The following RAD51 variants were observed in gnomAD, a reference collection of about 807,000 sequenced individuals.
RAD51 encodes RAD51 recombinase.
A neutral mutation model predicts 41.5 loss-of-function variants in RAD51; 14 were observed. That is an observed-to-expected ratio of 0.34 (90% CI 0.22 to 0.53). RAD51 has a LOEUF of 0.53. Ranked by LOEUF, RAD51 falls within the 20% of genes least tolerant of loss-of-function variation. The pLI, the probability that RAD51 is intolerant of heterozygous loss-of-function variation, is 0.95. For missense variants in RAD51, 234 were observed against 422.0 expected (o/e 0.55, Z 3.90); for synonymous variants, 136 against 148.6 (o/e 0.92, Z 0.62).
chr15:40,724,743 G>A (rs540535799), intron 6 of RAD51, among the ~76,000 whole-genome samples: 168 of 139,774 alleles, frequency 1.2e-3, no homozygotes, highest in African/African-American at 4.3e-3. Context: ...GCTGTGGTGC[G>A]ATCTCGGCTC....
chr15:40,700,180 A>G (rs1269918881), intron 2 of RAD51, among the ~76,000 whole-genome samples: 1 of 152,194 alleles, frequency 6.6e-6, no homozygotes. Context: ...ACCCACATTC[A>G]CCTACTAACT....
intron 6 of RAD51, among the ~76,000 whole-genome samples, chr15:40,725,995 AAAC>A (rs1296084518): frequency 2.6e-5 from 4 of 151,820 alleles, no homozygotes; most frequent in Non-Finnish European, 4.4e-5. Flanking sequence ...CAAAAAAACA[AAAC>A]AACAAAAAAA....
intron 6 of RAD51, among the ~76,000 whole-genome samples, chr15:40,726,345 G>A (rs1485099774): frequency 1.3e-5 from 2 of 150,890 alleles, no homozygotes; most frequent in Admixed American, 1.3e-4. Flanking sequence ...TCCGCCTCTC[G>A]GGTTCAAGCG....
At chr15:40,711,693 A>T (rs1895711945) in intron 5 of RAD51, among the ~76,000 whole-genome samples, 1 of 152,218 alleles carries the variant, frequency 6.6e-6, no homozygotes, top group Non-Finnish European at 1.5e-5. Context: ...ATGGGAAGGC[A>T]TAAGTTAGAA....
intron 1 of RAD51, among the ~76,000 whole-genome samples, chr15:40,696,566 G>T (rs1053444313): frequency 6.6e-6 from 1 of 152,150 alleles, no homozygotes; most frequent in African/African-American, 2.4e-5. Context: ...AAGACAAAAT[G>T]AATATACACC....
At chr15:40,706,328 T>G in intron 4 of RAD51, 34 bp downstream of exon 4, 2 of 1,495,268 alleles carry the variant, frequency 1.3e-6, no homozygotes, top group Non-Finnish European at 1.9e-6. Flanking sequence ...TTGTGAACTC[T>G]AGTTAGGAAA....
intron 5 of RAD51, among the ~76,000 whole-genome samples, chr15:40,715,047 A>G (rs1012160802): frequency 6.6e-6 from 1 of 152,032 alleles, no homozygotes; most frequent in African/African-American, 2.4e-5. Flanking sequence ...ACAATTTAAC[A>G]TAAGTACCAG....
chr15:40,719,639 T>G (rs372389809), intron 6 of RAD51, among the ~76,000 whole-genome samples: 70 of 152,278 alleles, frequency 4.6e-4, no homozygotes, highest in Middle Eastern at 6.8e-3. Context: ...GAAACCATCC[T>G]GGCTAACACA....
intron 5 of RAD51, among the ~76,000 whole-genome samples, chr15:40,718,531 GAAGAA>G (rs1195901324): frequency 6.8e-6 from 1 of 146,846 alleles, no homozygotes; most frequent in Non-Finnish European, 1.5e-5. Flanking sequence ...AAAAAAAAAA[GAAGAA>G]AAGAATTTTA....
chr15:40,699,434 C>T (rs1894848291), intron 2 of RAD51, among the ~76,000 whole-genome samples: 1 of 152,206 alleles, frequency 6.6e-6, no homozygotes, highest in African/African-American at 2.4e-5. Context: ...TGGGCCACTG[C>T]GCCCAGCCTG....
intron 3 of RAD51, among the ~76,000 whole-genome samples, 160 bp downstream of exon 3, chr15:40,701,361 C>CT (rs946965505): frequency 9.4e-4 from 131 of 139,860 alleles, no homozygotes; most frequent in African/African-American, 1.8e-3. Flanking sequence ...CTTTTCTTTT[C>CT]TTTTTTTTTT....
rs182685714 is a variant in RAD51, at chr15:40,698,919, C to T, written c.87+74C>T. 2.6e-4 allele frequency: 372 copies of T among 1,430,212 alleles called. No individual in the cohort carries two copies. The African/African-American group carries it at 4.2e-3, about 16-fold the overall frequency. 88.6% of individuals were successfully genotyped at this position (1,430,212 alleles called of 1,614,324 possible). ...CTAGTGGAAGGTATTACAACCTTTA[C>T]ATAAAATATAGGTTTACTACCAAGG... is the stretch of plus-strand genomic sequence containing the variant. On this transcript the variant is annotated intron_variant, in intron 2 of 9. Coordinates refer to ENST00000267868, the MANE Select transcript of RAD51 (RefSeq NM_002875.5).
chr15:40,729,485 A>G lies in RAD51; in HGVS notation c.645-20A>G. 1 of 1,612,766 alleles carries G rather than the reference A, an allele frequency of 6.2e-7. No homozygotes were observed. Among genetic ancestry groups the G allele is most frequent in the Non-Finnish European group, 8.5e-7 (1 of 1,179,302 alleles). On this transcript the variant is annotated intron_variant, in intron 7 of 9. Transcript: ENST00000267868. ...GACACAGGCTAGAAATAGGCTTCAG[A>G]GAATCCTTGTTTCCTGTAGGTATGC...
At chr15:40,726,269 G>A (rs1289370890) in intron 6 of RAD51, among the ~76,000 whole-genome samples, 2 of 138,592 alleles carry the variant, frequency 1.4e-5, no homozygotes, top group African/African-American at 5.4e-5. Flanking sequence ...TTGAGACGGA[G>A]TTTCACTCTT....
chr15:40,708,404 T>G (rs964129034), intron 4 of RAD51, among the ~76,000 whole-genome samples: 8 of 151,756 alleles, frequency 5.3e-5, no homozygotes, highest in African/African-American at 1.9e-4. Flanking sequence ...AGTTTTGTAT[T>G]TTTAGTAGAC....
chr15:40,705,581 C>A lies in RAD51; in HGVS notation c.226-596C>A, dbSNP rs140405664. On this transcript the variant is annotated intron_variant, in intron 3 of 9. Coordinates refer to ENST00000267868, the MANE Select transcript of RAD51 (RefSeq NM_002875.5). ...ATAAATTGGGCAAAACACATATGTA[C>A]GGATCTCTAATAGTTTTTTGTTTTG... Among the ~76,000 whole-genome samples, 3 of 152,176 alleles carry A rather than the reference C, an allele frequency of 2.0e-5. No individual in the cohort carries two copies. In the East Asian group the frequency reaches 5.8e-4, roughly 29 times the overall value.
At chr15:40,698,394 G>A (rs1894785897) in intron 1 of RAD51, among the ~76,000 whole-genome samples, 1 of 151,958 alleles carries the variant, frequency 6.6e-6, no homozygotes, top group Admixed American at 6.6e-5. Context: ...TCGCATGTTG[G>A]CCGGGATGGT....
At chr15:40,710,164 C>CCCGGGAGGCACAGCTTGCAGTGAG (rs1260165571) in intron 5 of RAD51, among the ~76,000 whole-genome samples, 1 of 141,524 alleles carries the variant, frequency 7.1e-6, no homozygotes, top group Admixed American at 7.6e-5. Flanking sequence ...ATGGCGTGAA[C>CCCGGGAGGCACAGCTTGCAGTGAG]CCGGGAGGCA....
intron 6 of RAD51, among the ~76,000 whole-genome samples, chr15:40,724,021 T>C (rs940843682): frequency 6.6e-6 from 1 of 152,224 alleles, no homozygotes; most frequent in Non-Finnish European, 1.5e-5. Flanking sequence ...GGAACCTGCC[T>C]AAATGAGGAG....
Sources: gnomAD v4.1 joint callset for allele counts (sites outside exome capture counted in the v4.1 genomes callset) on GRCh38, gnomAD v4.1.1 for gene constraint, MANE v1.5 for transcripts, NCBI Gene and HGNC (gene_info 2026-07-23, HGNC 2026-07-21) for gene names.